RNF130: variants seen among roughly 807,000 people sequenced by gnomAD.
The protein encoded by RNF130 is E3 ubiquitin-protein ligase RNF130.
In RNF130, 21 loss-of-function variants were observed where a neutral mutation model predicts 44.6. The observed-to-expected ratio is 0.47, with a 90% confidence interval of 0.33 to 0.68. The LOEUF (loss-of-function observed/expected upper bound fraction) is 0.68. Ranked by LOEUF, RNF130 falls within the 30% of genes least tolerant of loss-of-function variation. RNF130 has a pLI of 0.02. For synonymous variants in RNF130, 214 were observed against 210.4 expected, an observed-to-expected ratio of 1.02 and a Z score of -0.15; for missense variants, 479 against 560.6, an observed-to-expected ratio of 0.85 and a Z score of 1.47.
At chr5:180,028,256 A>C (rs1338639166) in intron 2 of RNF130, among the ~76,000 whole-genome samples, 1 of 152,034 alleles carries the variant, frequency 6.6e-6, no homozygotes, top group Non-Finnish European at 1.5e-5. Flanking sequence ...CTTCGTACTC[A>C]ATGTTCATCT....
At chr5:179,971,273 G>C (rs1375469889) in intron 5 of RNF130, among the ~76,000 whole-genome samples, 1 of 152,190 alleles carries the variant, frequency 6.6e-6, no homozygotes, top group East Asian at 1.9e-4. Context: ...AAGCTCTAGA[G>C]TCCTGGCCAA....
chr5:179,974,608 G>A (rs554142783), intron 5 of RNF130, among the ~76,000 whole-genome samples: 205 of 152,366 alleles, frequency 1.3e-3, no homozygotes, highest in African/African-American at 4.4e-3. Context: ...AGATGGACAC[G>A]AGGGTGTCCA....
At chr5:180,002,572 G>A (rs1763368344) in intron 3 of RNF130, among the ~76,000 whole-genome samples, 3 of 152,170 alleles carry the variant, frequency 2.0e-5, no homozygotes, top group Admixed American at 1.3e-4. Context: ...TAGTGCCTGT[G>A]AGGACTGGTG....
intron 2 of RNF130, among the ~76,000 whole-genome samples, chr5:180,036,668 A>G (rs1764257283): frequency 1.3e-5 from 2 of 152,232 alleles, no homozygotes; most frequent in African/African-American, 4.8e-5. Context: ...TTTTTGGAAG[A>G]GGATTTGCTG....
chr5:179,982,091 C>G (rs1351168366), intron 3 of RNF130, among the ~76,000 whole-genome samples: 1 of 152,012 alleles, frequency 6.6e-6, no homozygotes, highest in Non-Finnish European at 1.5e-5. Context: ...CCATGATCTA[C>G]TTTTTGCTGT....
chr5:180,059,688 G>A (rs372141571), intron 1 of RNF130, among the ~76,000 whole-genome samples: 4 of 152,318 alleles, frequency 2.6e-5, no homozygotes, highest in South Asian at 2.1e-4. Context: ...AAGGTGAGCC[G>A]TGAAAACAAC....
intron 2 of RNF130, among the ~76,000 whole-genome samples, chr5:180,030,411 T>G (rs765397899): frequency 6.6e-6 from 1 of 152,350 alleles, no homozygotes; most frequent in East Asian, 1.9e-4. Context: ...CTCATCTTTG[T>G]AAGTGTACAA....
intron 2 of RNF130, among the ~76,000 whole-genome samples, chr5:180,024,097 C>T (rs2113109647): frequency 1.3e-5 from 2 of 152,324 alleles, no homozygotes; most frequent in Admixed American, 1.3e-4. Context: ...AGTTGAAGGA[C>T]ATTCTACAAC....
intron 1 of RNF130, among the ~76,000 whole-genome samples, chr5:180,050,921 A>G (rs913713065): frequency 3.3e-5 from 5 of 152,062 alleles, no homozygotes; most frequent in African/African-American, 1.2e-4. Context: ...CTCCCACCTC[A>G]GCATCCTGAG....
intron 7 of RNF130, chr5:179,933,862 GT>G: frequency 1.3e-6 from 1 of 786,092 alleles, no homozygotes; most frequent in Non-Finnish European, 2.1e-6. Context: ...CTTCTTCATG[GT>G]CCATGTTGCC....
intron 3 of RNF130, among the ~76,000 whole-genome samples, chr5:179,984,580 T>C (rs1762912813): frequency 1.3e-5 from 2 of 152,202 alleles, no homozygotes; most frequent in East Asian, 1.9e-4. Context: ...ATGAAACTTA[T>C]ATTCCTGGAG....
chr5:179,988,171 G>A (rs572490945), intron 3 of RNF130, among the ~76,000 whole-genome samples: 2 of 152,276 alleles, frequency 1.3e-5, no homozygotes, highest in East Asian at 3.9e-4. Flanking sequence ...AATGTTGGTA[G>A]GTTGTATGTG....
At chr5:180,047,571 C>G (rs1420836385) in intron 1 of RNF130, among the ~76,000 whole-genome samples, 1 of 152,022 alleles carries the variant, frequency 6.6e-6, no homozygotes, top group Admixed American at 6.6e-5. Flanking sequence ...ATGGTGAAAC[C>G]CTGTCTCTAT....
At chr5:180,044,359 T>C (rs1764505849) in intron 1 of RNF130, among the ~76,000 whole-genome samples, 1 of 152,114 alleles carries the variant, frequency 6.6e-6, no homozygotes, top group Non-Finnish European at 1.5e-5. Context: ...TTTTTTTTCC[T>C]CTAGGGCTTT....
chr5:180,015,884 T>C (rs888883705), intron 2 of RNF130, among the ~76,000 whole-genome samples: 1 of 152,072 alleles, frequency 6.6e-6, no homozygotes, highest in Admixed American at 6.5e-5. Context: ...GGAAAAGAAG[T>C]GTGTAATTAT....
chr5:179,950,949 T>C (rs1376857647), downstream of RNF130, among the ~76,000 whole-genome samples: 2 of 152,170 alleles, frequency 1.3e-5, no homozygotes. Flanking sequence ...GGAGGAACTA[T>C]ACCATGAATC....
At chr5:179,995,119 C>G (rs1476607994) in intron 3 of RNF130, among the ~76,000 whole-genome samples, 1 of 152,106 alleles carries the variant, frequency 6.6e-6, no homozygotes, top group African/African-American at 2.4e-5. Context: ...AAGATGAGAG[C>G]AACTGACATT....
At chr5:179,961,243 GCA>G (rs369139985) in intron 8 of RNF130, among the ~76,000 whole-genome samples, 1 of 151,970 alleles carries the variant, frequency 6.6e-6, no homozygotes, top group South Asian at 2.1e-4. Flanking sequence ...CAACATGCAC[GCA>G]CACACACACT....
chr5:180,034,394 G>A (rs1007157989), intron 2 of RNF130, among the ~76,000 whole-genome samples: 1 of 152,100 alleles, frequency 6.6e-6, no homozygotes, highest in African/African-American at 2.4e-5. Context: ...CACAGAATAA[G>A]TTGAGAAATG....
Sources: allele counts gnomAD v4.1 joint callset (sites outside exome capture counted in the v4.1 genomes callset), GRCh38; gene constraint gnomAD v4.1.1; transcripts MANE v1.5; gene names NCBI Gene and HGNC (gene_info 2026-07-23, HGNC 2026-07-21).